The following MCAT variants were observed in gnomAD, a reference collection of about 807,000 sequenced individuals.
MCAT encodes the protein malonyl-CoA-acyl carrier protein transacylase, mitochondrial.
Under a neutral mutation model 22.9 loss-of-function variants are expected in MCAT, and 22 were observed. That is an observed-to-expected ratio of 0.96 (90% CI 0.69 to 1.37). MCAT has a LOEUF of 1.37. MCAT is among the 40% of genes most tolerant of loss of function. MCAT has a pLI of 0.00. For synonymous variants in MCAT, 240 were observed against 233.9 expected, an observed-to-expected ratio of 1.03 and a Z score of -0.24; for missense variants, 534 against 533.6, an observed-to-expected ratio of 1.00 and a Z score of -0.01.
At chr22:43,137,402 G>A in intron 2 of MCAT, 104 bp from the exon 3 acceptor site, 1 of 887,080 alleles carries the variant, frequency 1.1e-6, no homozygotes. Flanking sequence ...CTAGAGACAG[G>A]GGCACTGGTG....
In MCAT at chr22:43,132,461, ACT is replaced by A. The variant is rs1047550327; in HGVS notation, c.*580_*581del. ...CTTTCTACCAGAACAGAGCGCACTC[ACT>A]CTCTAGCACACAGCAGGCAATACAT... On this transcript the variant is annotated 3_prime_UTR_variant, in exon 4 of 4. Transcript: ENST00000290429. 3.9e-5 allele frequency: 6 copies of A among 155,448 alleles called. No individual in the cohort carries two copies. Among genetic ancestry groups the A allele is most frequent in the African/African-American group, 1.2e-4 (5 of 41,406 alleles). 9.6% of individuals were successfully genotyped at this position (155,448 alleles called of 1,614,324 possible). A position where few individuals can be genotyped will look rare whatever the true frequency, so the allele number is the denominator to read the frequency against.
intron 3 of MCAT, among the ~76,000 whole-genome samples, chr22:43,134,832 C>G (rs569613462): frequency 1.3e-4 from 20 of 152,370 alleles, no homozygotes; most frequent in African/African-American, 4.1e-4. Context: ...GAACCAGGAG[C>G]CTCTTTGGTC....
chr22:43,133,371 G>C lies in MCAT; in HGVS notation c.845C>G (p.Thr282Arg). 3.1e-6 allele frequency: 5 copies of C among 1,614,150 alleles called. No homozygotes were observed. The highest frequency in any genetic ancestry group is 1.6e-4 in the Middle Eastern group (1 of 6,062). ...RLMEPAVEPL[T>R]QALKAVDIKK... is the part of the protein sequence containing the mutation. ...AATGTCGACTGCCTTTAAAGCTTGCGTCAGGGGCTCCACGGCTGGCTCCAT... is the reference window on the plus strand; with the variant it reads ...AATGTCGACTGCCTTTAAAGCTTGCCTCAGGGGCTCCACGGCTGGCTCCAT... The change falls in exon 4 of 4, where the codon ACG becomes AGG. Residue 282 changes from threonine to arginine, a missense_variant. Physicochemically the swap from Thr to Arg is moderately conservative, Grantham distance 71 (BLOSUM62 -1). Transcript: ENST00000290429.
chr22:43,139,988 A>C (rs1930724332), intron 2 of MCAT, among the ~76,000 whole-genome samples: 1 of 152,210 alleles, frequency 6.6e-6, no homozygotes, highest in South Asian at 2.1e-4. Flanking sequence ...CTTAAAAAAA[A>C]AGCACTGCAG....
Position 43,133,136 on chromosome 22 carries a change from G to A in MCAT, c.1080C>T (p.Ser360=). Residue 360 remains serine (S), a synonymous_variant, in exon 4 of 4, where the codon AGC becomes AGT. Coordinates refer to ENST00000290429, the MANE Select transcript of MCAT (RefSeq NM_173467.5). ...PGRQLGAILK[S]CNMQAWKSYS... is the part of the protein sequence containing the mutation. ...AGGACTTCCAGGCCTGCATGTTACAGCTCTTCAGGATGGCTCCCAGCTGCC... is the reference window on the plus strand; with the variant it reads ...AGGACTTCCAGGCCTGCATGTTACAACTCTTCAGGATGGCTCCCAGCTGCC... 1 of 1,614,198 alleles carries A rather than the reference G, an allele frequency of 6.2e-7. No homozygotes were observed. The highest frequency in any genetic ancestry group is 8.5e-7 in the Non-Finnish European group (1 of 1,180,028).
chr22:43,143,366 C>G lies in MCAT; in HGVS notation c.-18G>C. On this transcript the variant is annotated 5_prime_UTR_variant, in exon 1 of 4. Transcript: ENST00000290429. ...ACGCTCATGGTCGGACACCTGCCCG[C>G]GCGCGTTACCGTGGCGACCGAGGCC... 1 of 1,349,848 alleles carries G rather than the reference C, an allele frequency of 7.4e-7. No individual in the cohort carries two copies. The highest frequency in any genetic ancestry group is 3.1e-5 in the East Asian group (1 of 32,196). The allele number at this position is 1,349,848 out of a possible 1,614,324, so 83.6% of individuals were successfully genotyped here.
rs145687645 is a variant in MCAT at position 43,135,908 on chromosome 22, C to T, written c.729+1173G>A. Among the ~76,000 whole-genome samples the T allele has an allele frequency of 4.6e-4, 70 of 152,302 alleles. 1 individual carries two copies. The East Asian group carries it at 0.011, about 24-fold the overall frequency. ...CTCTACTATCCCCAAGCACTTGCCT[C>T]TCTCTGCCTCAGCATCCTTGTGTGG... On this transcript the variant is annotated intron_variant, in intron 3 of 3. Transcript: ENST00000290429.
chr22:43,140,000 G>A (rs563125174), intron 2 of MCAT, among the ~76,000 whole-genome samples: 1 of 152,200 alleles, frequency 6.6e-6, no homozygotes, highest in African/African-American at 2.4e-5. Context: ...GCACTGCAGT[G>A]AAATTCACAT....
In MCAT at chr22:43,138,252, G is replaced by A. The variant is rs78991320; in HGVS notation, c.512-954C>T. Among the ~76,000 whole-genome samples, 726 of 152,074 alleles carry A rather than the reference G, an allele frequency of 4.8e-3. 4 individuals are homozygous for A. Among genetic ancestry groups the A allele is most frequent in the Non-Finnish European group, 8.1e-3 (548 of 67,958 alleles). ...GTCTCAAAACAAGAACAACAAAAAAGAACCATCAGAGACATGGGCTACTGT... is the reference window on the plus strand; with the variant it reads ...GTCTCAAAACAAGAACAACAAAAAAAAACCATCAGAGACATGGGCTACTGT... On this transcript the variant is annotated intron_variant, in intron 2 of 3. Coordinates refer to ENST00000290429, the MANE Select transcript of MCAT (RefSeq NM_173467.5).
chr22:43,133,031 AG>A lies in MCAT; in HGVS notation c.*11del, dbSNP rs768111887. Reference sequence around the variant, plus strand: ...AGGACAGAGGGGGTCATCGCATTTGAGCCCCCTGCAGTCATCTCGGGGGCTC... The same window carrying A: ...AGGACAGAGGGGGTCATCGCATTTGACCCCCTGCAGTCATCTCGGGGGCTC... On this transcript the variant is annotated 3_prime_UTR_variant, in exon 4 of 4. Coordinates refer to ENST00000290429, the MANE Select transcript of MCAT (RefSeq NM_173467.5). 5 of 1,607,804 alleles carry A rather than the reference AG, an allele frequency of 3.1e-6. No homozygotes were observed. The South Asian group carries it at 5.5e-5, about 18-fold the overall frequency.
At chr22:43,141,810 T>G (rs1930777255) in intron 1 of MCAT, among the ~76,000 whole-genome samples, 1 of 152,210 alleles carries the variant, frequency 6.6e-6, no homozygotes, top group African/African-American at 2.4e-5. Context: ...GACCTCGTGA[T>G]GCACCCACCT....
At chr22:43,141,384 G>A in intron 1 of MCAT, 135 bp from the exon 2 acceptor site, 4 of 707,694 alleles carry the variant, frequency 5.7e-6, no homozygotes, top group Admixed American at 2.2e-5. Flanking sequence ...CCAGCTGGAA[G>A]AGGACACACA....
intron 2 of MCAT, 33 bp downstream of exon 2, chr22:43,141,129 C>T (rs755673930): frequency 1.3e-6 from 2 of 1,591,240 alleles, no homozygotes; most frequent in South Asian, 1.1e-5. Flanking sequence ...CCCAAGACCA[C>T]AGCCTTGCAT....
Position 43,143,203 on chromosome 22 carries a change from G to A in MCAT, c.146C>T (p.Ala49Val), listed in dbSNP as rs1380764435. The A allele has an allele frequency of 6.5e-7, 1 of 1,536,638 alleles. No homozygotes were observed. The highest frequency in any genetic ancestry group is 8.7e-7 in the Non-Finnish European group (1 of 1,151,574). ...TCGCCGCTCCGTCGCCGCCCAGGGCGCCTCCTCCTCCGCCCCGGTCGCATC... is the reference window on the plus strand; with the variant it reads ...TCGCCGCTCCGTCGCCGCCCAGGGCACCTCCTCCTCCGCCCCGGTCGCATC... ...LRDATGAEEE[A>V]PWAATERRMP... The change falls in exon 1 of 4, where the codon GCG becomes GTG. Residue 49 changes from alanine (A) to valine (V), a missense_variant. Coordinates refer to ENST00000290429, the MANE Select transcript of MCAT (RefSeq NM_173467.5).
chr22:43,134,540 A>T (rs1930549644), intron 3 of MCAT, among the ~76,000 whole-genome samples: 1 of 152,164 alleles, frequency 6.6e-6, no homozygotes, highest in African/African-American at 2.4e-5. Flanking sequence ...GGGTTTCACC[A>T]TGTTGGTCAG....
intron 2 of MCAT, among the ~76,000 whole-genome samples, chr22:43,140,087 C>G (rs531926375): frequency 6.6e-6 from 1 of 152,298 alleles, no homozygotes; most frequent in South Asian, 2.1e-4. Flanking sequence ...ACCACCAACT[C>G]TCTCTAGTTT....
intron 3 of MCAT, among the ~76,000 whole-genome samples, chr22:43,134,249 C>T (rs1375807578): frequency 6.6e-6 from 1 of 152,124 alleles, no homozygotes; most frequent in African/African-American, 2.4e-5. Flanking sequence ...CTCTTGATGC[C>T]AAAAACCTCC....
At chr22:43,141,955 A>C (rs1337194403) in intron 1 of MCAT, among the ~76,000 whole-genome samples, 1 of 152,254 alleles carries the variant, frequency 6.6e-6, no homozygotes, top group African/African-American at 2.4e-5. Context: ...AATTATGTGA[A>C]TATAATGTCT....
intron 3 of MCAT, among the ~76,000 whole-genome samples, chr22:43,136,519 A>C (rs1023071556): frequency 6.6e-6 from 1 of 152,232 alleles, no homozygotes; most frequent in East Asian, 1.9e-4. Flanking sequence ...ATGAGTAGCC[A>C]GCCAGACCCT....
Sources: allele counts gnomAD v4.1 joint callset (sites outside exome capture counted in the v4.1 genomes callset), GRCh38; gene constraint gnomAD v4.1.1; transcripts MANE v1.5; gene names NCBI Gene and HGNC (gene_info 2026-07-23, HGNC 2026-07-21).